Variants in DCC observed in about 807,000 individuals in gnomAD.
DCC encodes netrin receptor DCC.
A neutral mutation model predicts 172.5 loss-of-function variants in DCC; 58 were observed. The ratio of observed to expected loss-of-function variants is 0.34; its 90% confidence interval spans 0.27 to 0.42. The LOEUF is 0.42. Ranked by LOEUF, DCC falls within the 10% of genes least tolerant of loss-of-function variation. The pLI, the probability that DCC is intolerant of heterozygous loss-of-function variation, is 1.00. For synonymous variants in DCC, 709 were observed against 644.5 expected, an observed-to-expected ratio of 1.10 and a Z score of -1.52; for missense variants, 1,740 against 1,791.0, an observed-to-expected ratio of 0.97 and a Z score of 0.51.
intron 12 of DCC, among the ~76,000 whole-genome samples, chr18:53,245,112 A>G (rs1049526910): frequency 1.3e-5 from 2 of 152,152 alleles, no homozygotes; most frequent in South Asian, 4.1e-4. Flanking sequence ...ACTATAGTCC[A>G]TGCTAGAAGA....
At chr18:52,818,643 T>G (rs2038348304) in intron 2 of DCC, among the ~76,000 whole-genome samples, 1 of 152,084 alleles carries the variant, frequency 6.6e-6, no homozygotes, top group South Asian at 2.1e-4. Context: ...GAAAGATCAT[T>G]AGATCAATGG....
At chr18:53,281,503 A>G (rs1271513588) in intron 12 of DCC, among the ~76,000 whole-genome samples, 2 of 152,176 alleles carry the variant, frequency 1.3e-5, no homozygotes, top group East Asian at 3.9e-4. Flanking sequence ...CTTGTCCCCA[A>G]GGACCTTGCA....
At chr18:52,468,599 A>G (rs982511925) in intron 1 of DCC, among the ~76,000 whole-genome samples, 6 of 152,222 alleles carry the variant, frequency 3.9e-5, no homozygotes, top group Admixed American at 3.3e-4. Flanking sequence ...TATGTTTAGC[A>G]ATGTAAACAT....
chr18:53,123,118 A>G (rs1300865192), intron 7 of DCC, among the ~76,000 whole-genome samples: 1 of 152,100 alleles, frequency 6.6e-6, no homozygotes, highest in African/African-American at 2.4e-5. Context: ...CAGTCTTTGC[A>G]TATGTCATAA....
Position 52,421,552 on chromosome 18 carries a change from G to A in DCC, c.91+80674G>A, listed in dbSNP as rs78704417. 1.9e-3 allele frequency among the ~76,000 whole-genome samples: 293 copies of A among 152,296 alleles called. 6 individuals carry two copies. The East Asian group carries it at 0.045, about 23-fold the overall frequency. ...CCCCAGCCCTGCCTCAGGCTCTTGA[G>A]GGATGGTGTCTTTTCAGCACAAAAC... On this transcript the variant is annotated intron_variant, in intron 1 of 28. Transcript: ENST00000442544.
chr18:52,441,030 C>T (rs75402288), intron 1 of DCC, among the ~76,000 whole-genome samples: 1 of 152,198 alleles, frequency 6.6e-6, no homozygotes, highest in African/African-American at 2.4e-5. Context: ...AATGGCAAAT[C>T]TGTGGGTACA....
At chr18:52,695,792 T>C (rs74952669) in intron 1 of DCC, among the ~76,000 whole-genome samples, 3,356 of 152,272 alleles carry the variant, frequency 0.022, 65 homozygotes, top group East Asian at 0.09. Flanking sequence ...TCTTAGTTTA[T>C]TGTAAACTAT....
intron 25 of DCC, among the ~76,000 whole-genome samples, chr18:53,477,195 G>A (rs937322407): frequency 6.6e-5 from 10 of 152,130 alleles, no homozygotes; most frequent in African/African-American, 2.4e-4. Flanking sequence ...TTTTTGAAGA[G>A]ACGAGGTTTC....
chr18:52,433,515 G>T (rs1167402644), intron 1 of DCC, among the ~76,000 whole-genome samples: 2 of 152,026 alleles, frequency 1.3e-5, no homozygotes, highest in Non-Finnish European at 2.9e-5. Flanking sequence ...CAACAATTTG[G>T]CAAATAATGA....
At chr18:52,573,815 G>A (rs1639934683) in intron 1 of DCC, among the ~76,000 whole-genome samples, 1 of 152,180 alleles carries the variant, frequency 6.6e-6, no homozygotes, top group Non-Finnish European at 1.5e-5. Context: ...GATCAAGTTA[G>A]TATCAGCAGT....
At chr18:52,969,849 T>C (rs1244446993) in intron 5 of DCC, among the ~76,000 whole-genome samples, 1 of 152,134 alleles carries the variant, frequency 6.6e-6, no homozygotes, top group African/African-American at 2.4e-5. Context: ...ACTGGTTTCA[T>C]TGTTTCTTGC....
intron 2 of DCC, among the ~76,000 whole-genome samples, chr18:52,831,941 A>G (rs1273303640): frequency 6.6e-6 from 1 of 152,152 alleles, no homozygotes; most frequent in Non-Finnish European, 1.5e-5. Flanking sequence ...CGAGCCCTGC[A>G]TACTCCCAAA....
chr18:52,387,586 C>CCTTA (rs1985855877), intron 1 of DCC, among the ~76,000 whole-genome samples: 1 of 122,328 alleles, frequency 8.2e-6, no homozygotes, highest in South Asian at 3.5e-4. Context: ...TTCCTTCCTT[C>CCTTA]CTTCCTTCCT....
At chr18:52,535,074 G>A (rs2032252197) in intron 1 of DCC, among the ~76,000 whole-genome samples, 1 of 152,134 alleles carries the variant, frequency 6.6e-6, no homozygotes, top group Admixed American at 6.5e-5. Context: ...TTGAAAAGGT[G>A]GGACATGGCA....
At chr18:53,351,373 A>G (rs1281502038) in intron 15 of DCC, among the ~76,000 whole-genome samples, 2 of 72,516 alleles carry the variant, frequency 2.8e-5, no homozygotes, top group Admixed American at 1.9e-4. Flanking sequence ...TATACTGTAT[A>G]TATATATACA....
At chr18:53,174,003 C>A (rs1193405743) in intron 8 of DCC, among the ~76,000 whole-genome samples, 1 of 82,810 alleles carries the variant, frequency 1.2e-5, no homozygotes, top group Non-Finnish European at 2.3e-5. Flanking sequence ...TGCAATCAAA[C>A]TAGAACTCAG....
intron 13 of DCC, among the ~76,000 whole-genome samples, chr18:53,312,213 C>T: frequency 6.8e-6 from 1 of 146,246 alleles, no homozygotes; most frequent in Non-Finnish European, 1.5e-5. Flanking sequence ...TGGTGGCGGG[C>T]GTCTGTAGTC....
At chr18:52,485,998 G>T (rs2030199811) in intron 1 of DCC, among the ~76,000 whole-genome samples, 1 of 151,962 alleles carries the variant, frequency 6.6e-6, no homozygotes, top group African/African-American at 2.4e-5. Flanking sequence ...TATTTATTTT[G>T]TTTTATTTTA....
chr18:52,794,914 T>C (rs2037843778), intron 2 of DCC, among the ~76,000 whole-genome samples: 1 of 152,088 alleles, frequency 6.6e-6, no homozygotes, highest in South Asian at 2.1e-4. Context: ...CTTCTATTGA[T>C]GTGGTGTATC....
Sources: gnomAD v4.1 joint callset for allele counts (sites outside exome capture counted in the v4.1 genomes callset) on GRCh38, gnomAD v4.1.1 for gene constraint, MANE v1.5 for transcripts, NCBI Gene and HGNC (gene_info 2026-07-23, HGNC 2026-07-21) for gene names.